The following PCDHGB4 variants were observed in gnomAD, a reference collection of about 807,000 sequenced individuals.
PCDHGB4 encodes the protein protocadherin gamma-B4.
A neutral mutation model predicts 60.5 loss-of-function variants in PCDHGB4; 38 were observed. That is an observed-to-expected ratio of 0.63 (90% CI 0.48 to 0.82). The LOEUF (loss-of-function observed/expected upper bound fraction) is 0.82. Among genes scored for constraint, PCDHGB4 ranks in the 40% least tolerant of loss-of-function variants. PCDHGB4 has a pLI of 0.00. For synonymous variants in PCDHGB4, 456 were observed against 509.7 expected (o/e 0.89, Z 1.42); for missense variants, 1,109 against 1,209.6 (o/e 0.92, Z 1.23).
chr5:141,415,041 G>T, intron 1 of PCDHGB4: 1 of 1,613,530 alleles, frequency 6.2e-7, no homozygotes, highest in Non-Finnish European at 8.5e-7. Flanking sequence ...GACTCTTCGC[G>T]GTGGGGGAGC....
chr5:141,449,724 A>AT (rs911465424), intron 1 of PCDHGB4, among the ~76,000 whole-genome samples: 1 of 151,176 alleles, frequency 6.6e-6, no homozygotes, highest in African/African-American at 2.4e-5. Context: ...ATATGATATG[A>AT]TTTTTTTATG....
chr5:141,503,046 G>T (rs1187153008), intron 2 of PCDHGB4, among the ~76,000 whole-genome samples: 1 of 151,658 alleles, frequency 6.6e-6, no homozygotes, highest in Non-Finnish European at 1.5e-5. Flanking sequence ...GTTGAGACAG[G>T]GTTTCACCAT....
intron 1 of PCDHGB4, chr5:141,475,801 A>G: frequency 3.2e-6 from 1 of 312,546 alleles, no homozygotes. Flanking sequence ...AGGAAGCCAA[A>G]GGAAAGTGAA....
chr5:141,469,962 C>T (rs943032320), intron 1 of PCDHGB4, among the ~76,000 whole-genome samples: 8 of 152,134 alleles, frequency 5.3e-5, no homozygotes, highest in African/African-American at 1.9e-4. Flanking sequence ...GAAACCCCAT[C>T]TGTACCAAAA....
chr5:141,428,223 A>C (rs539110667), intron 1 of PCDHGB4: 30 of 1,169,680 alleles, frequency 2.6e-5, no homozygotes, highest in Admixed American at 2.5e-4. Flanking sequence ...TAGTCTTCGC[A>C]GACAGCCTGC....
At chr5:141,478,963 A>G (rs193236728) in intron 1 of PCDHGB4, among the ~76,000 whole-genome samples, 5 of 152,322 alleles carry the variant, frequency 3.3e-5, no homozygotes, top group East Asian at 1.9e-4. Context: ...TCATTCCTCC[A>G]CCTTTCAAGT....
chr5:141,428,886 G>T (rs1002869474), intron 1 of PCDHGB4: 3 of 149,710 alleles, frequency 2.0e-5, no homozygotes, highest in Non-Finnish European at 2.9e-5. Context: ...ACGGAGTCTC[G>T]CTCTGTGGTC....
chr5:141,409,608 C>T, intron 1 of PCDHGB4: 18 of 1,613,942 alleles, frequency 1.1e-5, no homozygotes, highest in Non-Finnish European at 1.4e-5. Flanking sequence ...CCGCCAGGAG[C>T]CTCCATTGCG....
At chr5:141,399,147 C>T (rs2093760764) in intron 1 of PCDHGB4, 1 of 1,613,664 alleles carries the variant, frequency 6.2e-7, no homozygotes. Flanking sequence ...ATGACAATAG[C>T]CCAGAAGTTA....
At chr5:141,500,369 C>T (rs1034629981) in intron 2 of PCDHGB4, among the ~76,000 whole-genome samples, 4 of 151,866 alleles carry the variant, frequency 2.6e-5, no homozygotes, top group Admixed American at 6.6e-5. Flanking sequence ...CTACCACGCC[C>T]GGCTAATTAT....
At chr5:141,411,951 G>A (rs1589812278) in intron 1 of PCDHGB4, 1 of 152,252 alleles carries the variant, frequency 6.6e-6, no homozygotes, top group African/African-American at 2.4e-5. Context: ...GATTTTTGAA[G>A]AAAAAAGATA....
chr5:141,512,656 C>G lies in PCDHGB4; in HGVS notation c.*1483C>G, dbSNP rs1262748947. ...CCCTTACAGTAGTGTAGCGCCCCCT[C>G]CCTCTTTCGGCTGGTGTAGAATAGC... On this transcript the variant is annotated 3_prime_UTR_variant, in exon 4 of 4. Coordinates refer to ENST00000519479, the MANE Select transcript of PCDHGB4 (RefSeq NM_003736.4). 1 of 152,508 alleles carries G rather than the reference C, an allele frequency of 6.6e-6. No homozygotes were observed. The highest frequency in any genetic ancestry group is 1.5e-5 in the Non-Finnish European group (1 of 68,228). The allele number at this position is 152,508 out of a possible 1,614,324, so 9.4% of individuals were successfully genotyped here.
intron 1 of PCDHGB4, among the ~76,000 whole-genome samples, chr5:141,453,479 A>G (rs1345415084): frequency 1.3e-5 from 2 of 152,082 alleles, no homozygotes; most frequent in Non-Finnish European, 2.9e-5. Context: ...AGTCAAAACT[A>G]TTAAAAAAAG....
rs755930967 is a variant in PCDHGB4, at chr5:141,388,629, G to C, written c.745G>C (p.Val249Leu). The change falls in exon 1 of 4, where the codon GTG becomes CTG. Residue 249 changes from valine (V) to leucine (L), a missense_variant. This residue lies in a region of PCDHGB4 where 1,068 missense variants were observed against 1,089.9 expected (regional missense o/e 0.98). Transcript: ENST00000519479. Reference protein sequence around the residue: ...APVFSQDVYRVSLSENVYPGT... With the variant: ...APVFSQDVYRLSLSENVYPGT... ...AGTGTTCAGTCAAGACGTATACAGG[G>C]TGAGCCTTTCAGAAAACGTGTACCC... 13 of 1,613,824 alleles carry C rather than the reference G, an allele frequency of 8.1e-6. No individual in the cohort carries two copies. Among genetic ancestry groups the C allele is most frequent in the African/African-American group, 1.3e-5 (1 of 74,914 alleles).
intron 1 of PCDHGB4, among the ~76,000 whole-genome samples, chr5:141,461,604 T>G (rs1166575574): frequency 6.6e-6 from 1 of 152,228 alleles, no homozygotes; most frequent in Non-Finnish European, 1.5e-5. Context: ...TATAATTTAG[T>G]TCAAAGTATT....
chr5:141,427,825 C>A (rs1342117815), intron 1 of PCDHGB4: 1 of 1,536,464 alleles, frequency 6.5e-7, no homozygotes, highest in Non-Finnish European at 8.9e-7. Flanking sequence ...GTGGTGGTCG[C>A]GCAGCGTGCC....
In PCDHGB4 at chr5:141,420,274, GGTAA is replaced by G. The variant is rs1362175190; in HGVS notation, c.2397+29997_2397+30000del. 5.9e-6 allele frequency: 9 copies of G among 1,525,426 alleles called. 1 individual carries two copies. The highest frequency in any genetic ancestry group is 2.1e-5 in the Admixed American group (1 of 48,284). 94.5% of individuals were successfully genotyped at this position (1,525,426 alleles called of 1,614,324 possible). On this transcript the variant is annotated intron_variant, in intron 1 of 3. Coordinates refer to ENST00000519479, the MANE Select transcript of PCDHGB4 (RefSeq NM_003736.4). ...AAGCAGATAAGAAGATTCTTAAACAGGTAAGTATTTAAAAATGTATTTAATCCTT... is the reference window on the plus strand; with the variant it reads ...AAGCAGATAAGAAGATTCTTAAACAGGTATTTAAAAATGTATTTAATCCTT...
chr5:141,415,182 C>T (rs2095840318), intron 1 of PCDHGB4: 2 of 1,613,842 alleles, frequency 1.2e-6, no homozygotes, highest in Non-Finnish European at 1.7e-6. Flanking sequence ...TGGCCGTGGC[C>T]GACAGCATCC....
In PCDHGB4 at chr5:141,476,335, C is replaced by A; in HGVS notation, c.2398-18472C>A. On this transcript the variant is annotated intron_variant, in intron 1 of 3. Coordinates refer to ENST00000519479, the MANE Select transcript of PCDHGB4 (RefSeq NM_003736.4). The surrounding 1 kb of genome is among the most constrained non-coding windows in gnomAD (Gnocchi z 7.6). Reference sequence around the variant, plus strand: ...GGTTCCGGGTGGTGTCTGGAGCTAGCCGAAGATTCTTTGAGGTGAACCGGG... The same window carrying A: ...GGTTCCGGGTGGTGTCTGGAGCTAGACGAAGATTCTTTGAGGTGAACCGGG... 2 of 1,614,120 alleles carry A rather than the reference C, an allele frequency of 1.2e-6. No individual in the cohort carries two copies. Among genetic ancestry groups the A allele is most frequent in the Non-Finnish European group, 1.7e-6 (2 of 1,180,026 alleles).
Sources: allele counts gnomAD v4.1 joint callset (sites outside exome capture counted in the v4.1 genomes callset), GRCh38; gene constraint gnomAD v4.1.1; regional missense constraint gnomAD v4.1.1; non-coding constraint Gnocchi (gnomAD v3.1); transcripts MANE v1.5; gene names NCBI Gene and HGNC (gene_info 2026-07-23, HGNC 2026-07-21).